ACTN1: variants seen among roughly 807,000 people sequenced by gnomAD.
ACTN1 encodes the protein alpha-actinin-1.
ACTN1 carries 30 observed loss-of-function variants against 119.6 expected under a neutral mutation model. The ratio of observed to expected loss-of-function variants is 0.25; its 90% CI spans 0.19 to 0.34. ACTN1 has a LOEUF of 0.34. Ranked by LOEUF, ACTN1 falls within the 10% of genes least tolerant of loss-of-function variation. The probability of loss-of-function intolerance (pLI) is 1.00; values close to 1 mark genes in which losing one functional copy is unlikely to be tolerated. For synonymous variants in ACTN1, 429 were observed against 472.6 expected, an observed-to-expected ratio of 0.91 and a Z score of 1.20; for missense variants, 764 against 1,223.4, an observed-to-expected ratio of 0.62 and a Z score of 5.60.
Position 68,893,894 on chromosome 14 carries a change from T to G in ACTN1, c.763-147A>C, listed in dbSNP as rs920964932. On this transcript the variant is annotated intron_variant, in intron 8 of 21. Transcript: ENST00000394419. ...GAAGGCTGTGAGGTCACATTCCTCCTCTCTCCTTACCATCCTCCTTGCCAG... is the reference window on the plus strand; with the variant it reads ...GAAGGCTGTGAGGTCACATTCCTCCGCTCTCCTTACCATCCTCCTTGCCAG... 6.8e-5 allele frequency: 48 copies of G among 705,004 alleles called. No individual in the cohort carries two copies. The African/African-American group carries it at 7.5e-4, about 11-fold the overall frequency. The allele number at this position is 705,004 out of a possible 1,614,324, so 43.7% of individuals were successfully genotyped here.
intron 1 of ACTN1, chr14:68,977,742 G>A (rs950591178): frequency 3.2e-6 from 1 of 316,600 alleles, no homozygotes; most frequent in Non-Finnish European, 6.2e-6. Flanking sequence ...TTTTGGACAT[G>A]AGCGTTCTCC....
intron 1 of ACTN1, chr14:68,973,728 AG>A (rs2036969507): frequency 6.6e-6 from 1 of 152,186 alleles, no homozygotes. Context: ...AGTCAGAGCC[AG>A]GTTTGGCCAA....
intron 1 of ACTN1, among the ~76,000 whole-genome samples, chr14:68,945,177 AGAAAG>A (rs1349561114): frequency 6.8e-6 from 1 of 147,340 alleles, no homozygotes; most frequent in African/African-American, 2.6e-5. Context: ...AAAAAAAAAA[AGAAAG>A]AAAGAAAGAA....
At chr14:68,961,794 G>A (rs2140613795) in intron 1 of ACTN1, among the ~76,000 whole-genome samples, 1 of 152,328 alleles carries the variant, frequency 6.6e-6, no homozygotes, top group African/African-American at 2.4e-5. Context: ...GGCCTCAGAT[G>A]CCTAGGACTT....
Position 68,936,218 on chromosome 14 carries a change from A to C in ACTN1, c.106-10546T>G, listed in dbSNP as rs372217760. 3.2e-4 allele frequency among the ~76,000 whole-genome samples: 49 copies of C among 152,196 alleles called. 2 individuals carry two copies. The highest frequency in any genetic ancestry group is 3.4e-3 in the Middle Eastern group (1 of 294). On this transcript the variant is annotated intron_variant, in intron 1 of 21. Coordinates refer to ENST00000394419, the MANE Select transcript of ACTN1 (RefSeq NM_001130004.2). The stretch of plus-strand genomic sequence containing the variant: ...GGTGGGCTCTCAAAGAAAGCCAAAA[A>C]ATTTCCCAGGGACAATTTCATCTCC...
intron 1 of ACTN1, among the ~76,000 whole-genome samples, chr14:68,955,922 G>A (rs2036338179): frequency 6.6e-6 from 1 of 152,174 alleles, no homozygotes; most frequent in Non-Finnish European, 1.5e-5. Flanking sequence ...ATTCACATTT[G>A]GGGGTGGCTA....
chr14:68,960,130 G>C (rs948188504), intron 1 of ACTN1, among the ~76,000 whole-genome samples: 21 of 152,132 alleles, frequency 1.4e-4, no homozygotes, highest in Admixed American at 2.0e-4. Flanking sequence ...TGAGGAGGAG[G>C]AGAAGAAGGA....
At chr14:68,877,278 G>A (rs772253353) in intron 20 of ACTN1, 38 bp from the exon 21 acceptor site, 2 of 1,611,934 alleles carry the variant, frequency 1.2e-6, no homozygotes, top group Admixed American at 3.3e-5. Context: ...GTCAGCCCAT[G>A]GCCTGCTGGG....
chr14:68,914,719 T>C (rs1000404489), intron 3 of ACTN1, among the ~76,000 whole-genome samples: 2 of 152,130 alleles, frequency 1.3e-5, no homozygotes, highest in African/African-American at 4.8e-5. Flanking sequence ...CAGTGAGCTG[T>C]GTGATATCAC....
chr14:68,905,985 A>AC (rs1473636566), intron 6 of ACTN1, among the ~76,000 whole-genome samples: 5 of 151,160 alleles, frequency 3.3e-5, no homozygotes, highest in African/African-American at 9.7e-5. Context: ...CTCGTCTCAA[A>AC]AAAAAAAAAA....
At chr14:68,924,464 G>T (rs1169163721) in intron 2 of ACTN1, among the ~76,000 whole-genome samples, 1 of 152,198 alleles carries the variant, frequency 6.6e-6, no homozygotes, top group Non-Finnish European at 1.5e-5. Flanking sequence ...ATACCTTTTT[G>T]GGAATAGTTA....
chr14:68,920,533 A>G (rs2034582163), intron 3 of ACTN1, among the ~76,000 whole-genome samples: 1 of 152,206 alleles, frequency 6.6e-6, no homozygotes, highest in African/African-American at 2.4e-5. Context: ...AGAGTTAGGA[A>G]GCTACACTGC....
chr14:68,955,405 C>A (rs2036322489), intron 1 of ACTN1, among the ~76,000 whole-genome samples: 1 of 152,154 alleles, frequency 6.6e-6, no homozygotes, highest in Non-Finnish European at 1.5e-5. Flanking sequence ...TAGAGCCAAC[C>A]CAAACCCCTA....
Position 68,970,418 on chromosome 14 carries a change from C to T in ACTN1, c.105+8534G>A, listed in dbSNP as rs189109474. Among the ~76,000 whole-genome samples, 203 of 152,344 alleles carry T rather than the reference C, an allele frequency of 1.3e-3. 4 individuals carry two copies. In the South Asian group the frequency reaches 0.02, roughly 15 times the overall value. ...TCAAGGCTTAAACAAGAACCTCAAACGTTACGGGTTTCACGTGCACAGGCT... is the reference window on the plus strand; with the variant it reads ...TCAAGGCTTAAACAAGAACCTCAAATGTTACGGGTTTCACGTGCACAGGCT... On this transcript the variant is annotated intron_variant, in intron 1 of 21. Transcript: ENST00000394419.
chr14:68,967,792 G>A (rs997149363), intron 1 of ACTN1, among the ~76,000 whole-genome samples: 11 of 152,214 alleles, frequency 7.2e-5, no homozygotes, highest in African/African-American at 2.2e-4. Flanking sequence ...TGGTCCTGGC[G>A]GAGTGGGGCT....
chr14:68,922,081 A>G (rs1400167032), intron 2 of ACTN1, among the ~76,000 whole-genome samples: 2 of 152,200 alleles, frequency 1.3e-5, no homozygotes, highest in African/African-American at 4.8e-5. Context: ...TATAGCTTTC[A>G]GGGTCTCTAA....
chr14:68,885,279 C>T lies in ACTN1; in HGVS notation c.1385+146G>A. ...CTTCCCCACCAGGAGAGATATTTGT[C>T]TCCTGCGTTGACTCCCTCCCCACCT... On this transcript the variant is annotated intron_variant, in intron 12 of 21. Transcript: ENST00000394419. The surrounding 1 kb of genome is among the most constrained non-coding windows in gnomAD (Gnocchi z 5.6). 1 of 1,078,506 alleles carries T rather than the reference C, an allele frequency of 9.3e-7. No homozygotes were observed. 66.8% of individuals were successfully genotyped at this position (1,078,506 alleles called of 1,614,324 possible).
At chr14:68,922,579 G>A (rs933421317) in intron 2 of ACTN1, among the ~76,000 whole-genome samples, 7 of 152,156 alleles carry the variant, frequency 4.6e-5, no homozygotes, top group Non-Finnish European at 8.8e-5. Context: ...CCAGCTAAGC[G>A]GAGTGCCCCA....
In ACTN1 at chr14:68,936,734, T is replaced by G. The variant is rs923200609; in HGVS notation, c.106-11062A>C. 10 of 634,284 alleles carry G rather than the reference T, an allele frequency of 1.6e-5. 1 individual carries two copies. Among genetic ancestry groups the G allele is most frequent in the African/African-American group, 3.7e-5 (2 of 54,794 alleles). The allele number at this position is 634,284 out of a possible 1,614,324, so 39.3% of individuals were successfully genotyped here. A position where few individuals can be genotyped will look rare whatever the true frequency, so the allele number is the denominator to read the frequency against. On this transcript the variant is annotated intron_variant, in intron 1 of 21. Coordinates refer to ENST00000394419, the MANE Select transcript of ACTN1 (RefSeq NM_001130004.2). Reference sequence around the variant, plus strand: ...GCTTTGACAAAGCCTATGTTGTCCTTGGCCAGTTTCTGGTGCTGAAGAAAA... The same window carrying G: ...GCTTTGACAAAGCCTATGTTGTCCTGGGCCAGTTTCTGGTGCTGAAGAAAA...
Sources: allele counts gnomAD v4.1 joint callset (sites outside exome capture counted in the v4.1 genomes callset), GRCh38; gene constraint gnomAD v4.1.1; non-coding constraint Gnocchi (gnomAD v3.1); transcripts MANE v1.5; gene names NCBI Gene and HGNC (gene_info 2026-07-23, HGNC 2026-07-21).